The following SLITRK3 variants were observed in gnomAD, a reference collection of about 807,000 sequenced individuals.
The protein encoded by SLITRK3 is SLIT and NTRK like family member 3.
Under a neutral mutation model 63.6 loss-of-function variants are expected in SLITRK3, and 16 were observed. That is an observed-to-expected ratio of 0.25 (90% confidence interval 0.17 to 0.38). The LOEUF is 0.38. Ranked by LOEUF, SLITRK3 falls within the 10% of genes least tolerant of loss-of-function variation. The pLI is 1.00. For missense variants in SLITRK3, 1,117 were observed against 1,181.4 expected (o/e 0.95, Z 0.80); for synonymous variants, 547 against 451.6 (o/e 1.21, Z -2.68).
In SLITRK3 at chr3:165,189,109, T is replaced by C. The variant is rs756486113; in HGVS notation, c.1722A>G (p.Lys574=). The change falls in exon 2 of 2, where the codon AAA becomes AAG. Residue 574 remains lysine, a synonymous_variant. Coordinates refer to ENST00000475390, the MANE Select transcript of SLITRK3 (RefSeq NM_001318810.2). The surrounding 1 kb of genome is among the most constrained non-coding windows in gnomAD (Gnocchi z 4.0). Reference sequence around the variant, plus strand: ...CTGAGCTGATGGTTTCGATCCACTGTTTAAAGGGGACCAGGTCACAGGTGC... The same window carrying C: ...CTGAGCTGATGGTTTCGATCCACTGCTTAAAGGGGACCAGGTCACAGGTGC... The part of the protein sequence containing the change: ...WDCTCDLVPF[K]QWIETISSVS... 4 of 1,614,014 alleles carry C rather than the reference T, an allele frequency of 2.5e-6. No individual in the cohort carries two copies. Among genetic ancestry groups the C allele is most frequent in the Non-Finnish European group, 3.4e-6 (4 of 1,180,036 alleles).
upstream of SLITRK3, chr3:165,196,897 G>GTCTGTCTCTCTCTC (rs1718450127): frequency 7.3e-5 from 7 of 96,474 alleles, no homozygotes; most frequent in African/African-American, 2.5e-4. Flanking sequence ...CTCTCTCTCT[G>GTCTGTCTCTCTCTC]TCTCTCTCTC....
rs887722285 is a variant in SLITRK3, at chr3:165,195,904, A to C, written c.-346T>G. On this transcript the variant is annotated 5_prime_UTR_variant, in exon 1 of 2. Coordinates refer to ENST00000475390, the MANE Select transcript of SLITRK3 (RefSeq NM_001318810.2). ...GGTTGGTAGGCAGGCAGGCAGAGTGAGTGTCCCAGGACTAGGTTCCTTTGA... is the reference window on the plus strand; with the variant it reads ...GGTTGGTAGGCAGGCAGGCAGAGTGCGTGTCCCAGGACTAGGTTCCTTTGA... 6 of 152,522 alleles carry C rather than the reference A, an allele frequency of 3.9e-5. No individual in the cohort carries two copies. Among genetic ancestry groups the C allele is most frequent in the African/African-American group, 1.5e-4 (6 of 41,366 alleles). 9.4% of individuals were successfully genotyped at this position (152,522 alleles called of 1,614,324 possible).
intron 1 of SLITRK3, among the ~76,000 whole-genome samples, chr3:165,192,260 T>A (rs1718257804): frequency 6.6e-6 from 1 of 152,086 alleles, no homozygotes; most frequent in Admixed American, 6.5e-5. Context: ...AGAAAGGAGA[T>A]ACCGTGAGAA....
In SLITRK3 at chr3:165,188,168, T is replaced by C. The variant is rs768877730; in HGVS notation, c.2663A>G (p.Glu888Gly). The change falls in exon 2 of 2, where the codon GAG (glutamate) becomes GGG (glycine). Residue 888 changes from glutamate to glycine, a missense_variant. By Grantham distance (98) the Glu-to-Gly change is moderately conservative (BLOSUM62 -2). This residue lies in a region of SLITRK3 where 499 missense variants were observed against 463.6 expected (regional missense o/e 1.08). Transcript: ENST00000475390. Reference protein sequence around the residue: ...CGSGSMLLDRERPQPAPCTVG... With the variant: ...CGSGSMLLDRGRPQPAPCTVG... ...TGTGCAGGGGGCAGGCTGTGGCCTCTCTCGATCTAGTAGCATACTGCCACT... is the reference window on the plus strand; with the variant it reads ...TGTGCAGGGGGCAGGCTGTGGCCTCCCTCGATCTAGTAGCATACTGCCACT... The C allele has an allele frequency of 1.2e-6, 2 of 1,613,614 alleles. No homozygotes were observed. The highest frequency in any genetic ancestry group is 4.5e-5 in the East Asian group (2 of 44,826).
rs1303879777 is a variant in SLITRK3 at position 165,190,057 on chromosome 3, G to A, written c.774C>T (p.Asp258=). 1.2e-6 allele frequency: 2 copies of A among 1,613,960 alleles called. No homozygotes were observed. Among genetic ancestry groups the A allele is most frequent in the Admixed American group, 1.7e-5 (1 of 59,984 alleles). Residue 258 remains aspartate, a synonymous_variant, in exon 2 of 2, where the codon GAC becomes GAT. Coordinates refer to ENST00000475390, the MANE Select transcript of SLITRK3 (RefSeq NM_001318810.2). Reference sequence around the variant, plus strand: ...AGTGGAAAGGGGTCTCACAGGTAATGTCTCCCACCAGGGCAGTATAAGGAA... The same window carrying A: ...AGTGGAAAGGGGTCTCACAGGTAATATCTCCCACCAGGGCAGTATAAGGAA... ...ERIPYTALVG[D]ITCETPFHFH...
chr3:165,196,897 G>GTCTCTCTCTGTCTCTCTCTC (rs1718450783), upstream of SLITRK3: 9 of 96,472 alleles, frequency 9.3e-5, no homozygotes, highest in African/African-American at 1.5e-4. Flanking sequence ...CTCTCTCTCT[G>GTCTCTCTCTGTCTCTCTCTC]TCTCTCTCTC....
In SLITRK3 at chr3:165,187,937, TC is replaced by T. The variant is rs768096807; in HGVS notation, c.2893del (p.Asp965IlefsTer21). ...ELRAKLQTKP[D>X]YLEVLEKTTY... The stretch of plus-strand genomic sequence containing the variant: ...TGTCTTCTCCAGGACTTCGAGGTAA[TC>T]CGGCTTGGTTTGAAGTTTGGCCCTT... On this transcript the variant is annotated frameshift_variant, in exon 2 of 2. Coordinates refer to ENST00000475390, the MANE Select transcript of SLITRK3 (RefSeq NM_001318810.2). LOFTEE classifies it high-confidence loss of function. The T allele has an allele frequency of 2.5e-6, 4 of 1,614,040 alleles. No homozygotes were observed. The Admixed American group carries it at 6.7e-5, about 27-fold the overall frequency.
intron 1 of SLITRK3, among the ~76,000 whole-genome samples, chr3:165,193,782 G>T (rs1204861828): frequency 6.6e-6 from 1 of 152,054 alleles, no homozygotes; most frequent in African/African-American, 2.4e-5. Context: ...GATTGGGGTG[G>T]ATTTAAGGAT....
rs763777667 is a variant in SLITRK3, at chr3:165,189,322, C to T, written c.1509G>A (p.Met503Ile). 3.1e-6 allele frequency: 5 copies of T among 1,614,204 alleles called. No homozygotes were observed. Among genetic ancestry groups the T allele is most frequent in the Non-Finnish European group, 4.2e-6 (5 of 1,180,040 alleles). The change falls in exon 2 of 2, where the codon ATG becomes ATA. Residue 503 changes from methionine to isoleucine, a missense_variant. Physicochemically the swap from Met to Ile is conservative, Grantham distance 10 (BLOSUM62 1). Around this residue, in one of 4 missense-constraint regions of SLITRK3, gnomAD observed 158 missense variants for 197.2 expected, o/e 0.80. Transcript: ENST00000475390. This position sits in a 1 kb window ranked among gnomAD's most constrained non-coding sequence, Gnocchi z 4.0. ...TGAGGAATAGCAGCTTCAAGTTGGG[C>T]ATGAGGCTGAAGGCTGCAGGCTGGA... ...REIQPAAFSL[M>I]PNLKLLFLNN...
chr3:165,191,497 T>C (rs961758006), intron 1 of SLITRK3, among the ~76,000 whole-genome samples: 5 of 152,228 alleles, frequency 3.3e-5, no homozygotes, highest in Non-Finnish European at 5.9e-5. Flanking sequence ...AGTCAGTATG[T>C]ACACTATATG....
At chr3:165,193,261 G>C (rs1436297134) in intron 1 of SLITRK3, among the ~76,000 whole-genome samples, 4 of 147,136 alleles carry the variant, frequency 2.7e-5, no homozygotes, top group Non-Finnish European at 6.0e-5. Context: ...ATGGGGGAGG[G>C]GGGCAGGGAT....
chr3:165,188,463 C>T lies in SLITRK3; in HGVS notation c.2368G>A (p.Ala790Thr). The change falls in exon 2 of 2, where the codon GCT (alanine) becomes ACT (threonine). Residue 790 changes from alanine to threonine, a missense_variant. Physicochemically the swap from Ala to Thr is moderately conservative, Grantham distance 58. This residue lies in a region of SLITRK3 where 499 missense variants were observed against 463.6 expected (regional missense o/e 1.08). Transcript: ENST00000475390. ...GCAAACTGCTCACTTCCTAGGAGAG[C>T]CTCACCCATTCCCGGTGGTTGTGTC... ...PGTQPPGMGE[A>T]LLGSEQFAET... 6.2e-7 allele frequency: 1 copy of T among 1,613,956 alleles called. No individual in the cohort carries two copies. Among genetic ancestry groups the T allele is most frequent in the Non-Finnish European group, 8.5e-7 (1 of 1,179,972 alleles).
intron 1 of SLITRK3, among the ~76,000 whole-genome samples, chr3:165,191,581 T>C (rs1250818502): frequency 6.6e-6 from 1 of 152,236 alleles, no homozygotes; most frequent in Non-Finnish European, 1.5e-5. Context: ...TATATTTGTA[T>C]CATTTGACTA....
intron 1 of SLITRK3, among the ~76,000 whole-genome samples, chr3:165,191,463 A>G (rs1718224201): frequency 6.6e-6 from 1 of 152,268 alleles, no homozygotes; most frequent in Non-Finnish European, 1.5e-5. Context: ...TGAAATGATC[A>G]TAACATGCTT....
intron 1 of SLITRK3, among the ~76,000 whole-genome samples, chr3:165,194,180 T>C (rs1324858454): frequency 6.6e-6 from 1 of 152,150 alleles, no homozygotes; most frequent in African/African-American, 2.4e-5. Flanking sequence ...GACTTTTTGG[T>C]TGCTAAAGAA....
At position 165,187,786 on chromosome 3, in the gene SLITRK3, A is replaced by G. The variant is rs1336811528; in HGVS notation, c.*111T>C. The G allele has an allele frequency of 1.1e-6, 1 of 873,934 alleles. No homozygotes were observed. Among genetic ancestry groups the G allele is most frequent in the Non-Finnish European group, 1.8e-6 (1 of 567,608 alleles). The allele number at this position is 873,934 out of a possible 1,614,324, so 54.1% of individuals were successfully genotyped here. On this transcript the variant is annotated 3_prime_UTR_variant, in exon 2 of 2. Transcript: ENST00000475390. ...TTTAGTTTTGTTCAGGGTAGGAAAG[A>G]TCGTGAGGATGGAGTTACTGGGACA... is the stretch of plus-strand genomic sequence containing the variant.
At chr3:165,196,389 G>A (rs1201118957), upstream of SLITRK3, among the ~76,000 whole-genome samples, 2 of 137,638 alleles carry the variant, frequency 1.5e-5, no homozygotes, top group African/African-American at 2.6e-5. Flanking sequence ...TCCTCTGACC[G>A]CTCACCATTC....
chr3:165,193,013 G>T (rs1218670301), intron 1 of SLITRK3, among the ~76,000 whole-genome samples: 1 of 152,058 alleles, frequency 6.6e-6, no homozygotes, highest in East Asian at 1.9e-4. Flanking sequence ...CCTGAACCCA[G>T]CATTCCACGT....
Position 165,187,172 on chromosome 3 carries a change from C to T in SLITRK3, c.*725G>A, listed in dbSNP as rs990523368. Reference sequence around the variant, plus strand: ...ATGGAGAGGAGAAAAATGGATCAAACCCGAACTAAGCAGATTGAGTTGAAT... The same window carrying T: ...ATGGAGAGGAGAAAAATGGATCAAATCCGAACTAAGCAGATTGAGTTGAAT... On this transcript the variant is annotated 3_prime_UTR_variant, in exon 2 of 2. Coordinates refer to ENST00000475390, the MANE Select transcript of SLITRK3 (RefSeq NM_001318810.2). The T allele has an allele frequency of 6.5e-6, 1 of 152,824 alleles. No homozygotes were observed. Among genetic ancestry groups the T allele is most frequent in the African/African-American group, 2.4e-5 (1 of 41,114 alleles). 9.5% of individuals were successfully genotyped at this position (152,824 alleles called of 1,614,324 possible). A position where few individuals can be genotyped will look rare whatever the true frequency, so the allele number is the denominator to read the frequency against.
Sources: allele counts gnomAD v4.1 joint callset (sites outside exome capture counted in the v4.1 genomes callset), GRCh38; gene constraint gnomAD v4.1.1; regional missense constraint gnomAD v4.1.1; non-coding constraint Gnocchi (gnomAD v3.1); transcripts MANE v1.5; gene names NCBI Gene and HGNC (gene_info 2026-07-23, HGNC 2026-07-21).